The following ATF3 variants were observed in gnomAD, a reference collection of about 807,000 sequenced individuals.
ATF3 encodes cyclic AMP-dependent transcription factor ATF-3.
ATF3 carries 10 observed loss-of-function variants against 18.4 expected under a neutral mutation model. That is an observed-to-expected ratio of 0.54 (90% CI 0.34 to 0.92). The LOEUF is 0.92. Among genes scored for constraint, ATF3 ranks in the 40% least tolerant of loss-of-function variants. The probability of loss-of-function intolerance (pLI) is 0.02; values close to 1 mark genes in which losing one functional copy is unlikely to be tolerated. For missense variants in ATF3, 183 were observed against 222.3 expected (o/e 0.82, Z 1.12); for synonymous variants, 78 against 87.9 (o/e 0.89, Z 0.63).
At chr1:212,567,714 A>G (rs1045648331) in intron 1 of ATF3, among the ~76,000 whole-genome samples, 6 of 152,364 alleles carry the variant, frequency 3.9e-5, no homozygotes, top group Admixed American at 2.6e-4. Flanking sequence ...GCTGCTTCTA[A>G]AATAGGAACA....
At chr1:212,576,728 T>TTTTC (rs1664587123) in intron 1 of ATF3, among the ~76,000 whole-genome samples, 1 of 125,588 alleles carries the variant, frequency 8.0e-6, no homozygotes, top group African/African-American at 3.0e-5. Flanking sequence ...TTTCTTTTTT[T>TTTTC]TTTTTTTTTT....
chr1:212,584,549 T>C (rs1877474), intron 1 of ATF3, among the ~76,000 whole-genome samples: 64,290 of 151,952 alleles, frequency 0.42, 14,126 homozygotes, highest in African/African-American at 0.54. Flanking sequence ...TCAGCCTTTT[T>C]GCTGTCTTCA....
At chr1:212,565,909 G>A (rs1380652970) in intron 1 of ATF3, among the ~76,000 whole-genome samples, 1 of 152,170 alleles carries the variant, frequency 6.6e-6, no homozygotes, top group Non-Finnish European at 1.5e-5. Flanking sequence ...ATTGGAGTTG[G>A]TTAACCCCTT....
chr1:212,586,855 G>T (rs1247109169), intron 1 of ATF3, among the ~76,000 whole-genome samples: 1 of 152,202 alleles, frequency 6.6e-6, no homozygotes, highest in African/African-American at 2.4e-5. Flanking sequence ...GAATCCCAAA[G>T]GTAATTGATG....
chr1:212,599,023 T>C (rs1654402262), intron 1 of ATF3, among the ~76,000 whole-genome samples: 2 of 152,228 alleles, frequency 1.3e-5, no homozygotes, highest in African/African-American at 4.8e-5. Context: ...TTTTGGTTTT[T>C]TGAGGAGCCT....
chr1:212,613,285 C>T (rs1553304695), intron 1 of ATF3, among the ~76,000 whole-genome samples: 1 of 152,162 alleles, frequency 6.6e-6, no homozygotes, highest in Non-Finnish European at 1.5e-5. Context: ...CTCCCACCTA[C>T]CTTAAGGCCT....
At chr1:212,598,145 A>G (rs1304741275) in intron 1 of ATF3, among the ~76,000 whole-genome samples, 3 of 152,244 alleles carry the variant, frequency 2.0e-5, no homozygotes, top group African/African-American at 2.4e-5. Context: ...TAATTCAGAA[A>G]TATATAAGTA....
chr1:212,608,058 A>G (rs1654696911), upstream of ATF3, among the ~76,000 whole-genome samples: 1 of 152,100 alleles, frequency 6.6e-6, no homozygotes, highest in African/African-American at 2.4e-5. Context: ...CTTTTGTGTT[A>G]ACCGGCGGGC....
intron 1 of ATF3, among the ~76,000 whole-genome samples, chr1:212,584,407 A>G (rs539501350): frequency 1.6e-4 from 24 of 152,250 alleles, no homozygotes; most frequent in Admixed American, 1.2e-3. Flanking sequence ...TGAGGAGCCA[A>G]TGGTGCAGTT....
chr1:212,565,637 C>T (rs903921581), intron 1 of ATF3, among the ~76,000 whole-genome samples: 14 of 152,032 alleles, frequency 9.2e-5, no homozygotes, highest in South Asian at 2.1e-4. Context: ...GTGAGCAGTT[C>T]GGTGCATATG....
intron 1 of ATF3, among the ~76,000 whole-genome samples, chr1:212,567,773 T>C (rs1664410299): frequency 6.6e-6 from 1 of 152,076 alleles, no homozygotes; most frequent in African/African-American, 2.4e-5. Flanking sequence ...CAGAAGCCCA[T>C]GGGGAGGGGG....
chr1:212,587,698 A>T (rs540718284), intron 1 of ATF3, among the ~76,000 whole-genome samples: 3 of 152,392 alleles, frequency 2.0e-5, no homozygotes, highest in African/African-American at 7.2e-5. Context: ...AACTCCAGTT[A>T]AAATGAAGCA....
upstream of ATF3, among the ~76,000 whole-genome samples, chr1:212,603,776 A>ATGTGTG (rs145857442): frequency 0.39 from 58,863 of 149,406 alleles, 12,623 homozygotes; most frequent in Non-Finnish European, 0.48. Flanking sequence ...GTGTATATAT[A>ATGTGTG]TGTGTGTGTG....
chr1:212,571,106 C>G (rs920772864), intron 1 of ATF3, among the ~76,000 whole-genome samples: 2 of 152,176 alleles, frequency 1.3e-5, no homozygotes, highest in African/African-American at 4.8e-5. Context: ...TTCAGTTGCT[C>G]CAAATTTTTG....
intron 1 of ATF3, among the ~76,000 whole-genome samples, chr1:212,593,950 A>G (rs934471062): frequency 5.9e-5 from 9 of 152,150 alleles, no homozygotes; most frequent in Admixed American, 1.3e-4. Context: ...GAGCTCTCAG[A>G]TTTCATGTAA....
rs1197040348 is a variant in ATF3 at position 212,591,848 on chromosome 1, A to G, written c.-4-23170A>G. The stretch of plus-strand genomic sequence containing the variant: ...TATTTATTTATTTATTTTTTGAGAA[A>G]GGGTTTCATTCTGCTGCCCAGGGTG... On this transcript the variant is annotated intron_variant, in intron 1 of 3. Transcript: ENST00000366981. Among the ~76,000 whole-genome samples the G allele has an allele frequency of 2.0e-5, 3 of 152,016 alleles. No homozygotes were observed. In the East Asian group the frequency reaches 5.8e-4, roughly 29 times the overall value.
chr1:212,599,303 G>A (rs2102640303), intron 1 of ATF3, among the ~76,000 whole-genome samples: 1 of 152,308 alleles, frequency 6.6e-6, no homozygotes, highest in South Asian at 2.1e-4. Flanking sequence ...TAGTTTGTCA[G>A]TTCTCAACTA....
At chr1:212,591,694 T>A (rs6671821) in intron 1 of ATF3, among the ~76,000 whole-genome samples, 9,619 of 152,218 alleles carry the variant, frequency 0.063, 1,065 homozygotes, top group African/African-American at 0.22. Context: ...AACGTACACA[T>A]ATAAATCCTC....
intron 1 of ATF3, among the ~76,000 whole-genome samples, chr1:212,575,653 G>C (rs1664565121): frequency 6.6e-6 from 1 of 152,032 alleles, no homozygotes; most frequent in South Asian, 2.1e-4. Context: ...GTAGAGTTTT[G>C]ATGTATAGCC....
Sources: gnomAD v4.1 joint callset for allele counts (sites outside exome capture counted in the v4.1 genomes callset) on GRCh38, gnomAD v4.1.1 for gene constraint, MANE v1.5 for transcripts, NCBI Gene and HGNC (gene_info 2026-07-23, HGNC 2026-07-21) for gene names.